MYO5C: variants seen among roughly 807,000 people sequenced by gnomAD.
MYO5C encodes the protein unconventional myosin-Vc.
Under a neutral mutation model 235.7 loss-of-function variants are expected in MYO5C, and 194 were observed. The ratio of observed to expected loss-of-function variants is 0.82; its 90% CI spans 0.73 to 0.93. The LOEUF (loss-of-function observed/expected upper bound fraction) is 0.93. Among genes scored for constraint, MYO5C ranks in the 40% least tolerant of loss-of-function variants. The probability of loss-of-function intolerance (pLI) is 0.00; values close to 1 mark genes in which losing one functional copy is unlikely to be tolerated. For synonymous variants in MYO5C, 707 were observed against 754.8 expected, an observed-to-expected ratio of 0.94 and a Z score of 1.04; for missense variants, 2,038 against 2,127.2, an observed-to-expected ratio of 0.96 and a Z score of 0.82.
At chr15:52,213,853 A>G (rs1449359958) in intron 33 of MYO5C, among the ~76,000 whole-genome samples, 1 of 152,258 alleles carries the variant, frequency 6.6e-6, no homozygotes, top group Non-Finnish European at 1.5e-5. Context: ...TGGGAAGCAC[A>G]GACCTGGGCC....
chr15:52,288,597 A>G (rs2037324459), intron 1 of MYO5C, among the ~76,000 whole-genome samples: 1 of 152,098 alleles, frequency 6.6e-6, no homozygotes. Flanking sequence ...CTCCTCCCTC[A>G]CATTCCTCTA....
intron 25 of MYO5C, among the ~76,000 whole-genome samples, chr15:52,228,147 A>AT (rs770508125): frequency 1.7e-3 from 244 of 145,618 alleles, no homozygotes; most frequent in Middle Eastern, 7.2e-3. Context: ...ACAGGTAACA[A>AT]TTTTTTTTTT....
At chr15:52,286,973 A>AAACT (rs1411537612) in intron 1 of MYO5C, among the ~76,000 whole-genome samples, 2 of 105,688 alleles carry the variant, frequency 1.9e-5, no homozygotes. Flanking sequence ...AAAAAAAGAA[A>AAACT]AACTAACAAA....
intron 7 of MYO5C, 88 bp downstream of exon 7, chr15:52,271,675 A>G: frequency 4.1e-6 from 3 of 738,326 alleles, no homozygotes; most frequent in Non-Finnish European, 4.1e-6. Context: ...AATACTTAAA[A>G]CAAATATATT....
In MYO5C at chr15:52,225,466, CAT is replaced by C. The variant is rs778610679; in HGVS notation, c.3272_3273del (p.His1091ArgfsTer24). Reference sequence around the variant, plus strand: ...CTCATTTCCCGTTTTTGTGACTGCACATGTTTCTCCACATCTATCTTCTGTGC... The same window carrying C: ...CTCATTTCCCGTTTTTGTGACTGCACGTTTCTCCACATCTATCTTCTGTGC... ...LQAQKIDVEK[H>X]VQSQKREMRE... On this transcript the variant is annotated frameshift_variant, in exon 26 of 41. Transcript: ENST00000261839. LOFTEE classifies it high-confidence loss of function. 1.9e-6 allele frequency: 3 copies of C among 1,613,704 alleles called. No homozygotes were observed. The highest frequency in any genetic ancestry group is 2.5e-6 in the Non-Finnish European group (3 of 1,179,810).
At chr15:52,240,212 T>A (rs2036181666) in intron 20 of MYO5C, among the ~76,000 whole-genome samples, 2 of 152,218 alleles carry the variant, frequency 1.3e-5, no homozygotes, top group African/African-American at 4.8e-5. Flanking sequence ...TCTTTTCTTT[T>A]TCTTTTTCTT....
intron 20 of MYO5C, among the ~76,000 whole-genome samples, chr15:52,240,557 G>A (rs368347095): frequency 0.046 from 3,894 of 85,234 alleles, 121 homozygotes; most frequent in Non-Finnish European, 0.079. Context: ...AGAAAAAGAA[G>A]AAAAAAGAAA....
intron 2 of MYO5C, among the ~76,000 whole-genome samples, chr15:52,280,932 C>T (rs1202771966): frequency 2.0e-5 from 3 of 152,174 alleles, no homozygotes; most frequent in African/African-American, 7.2e-5. Flanking sequence ...CTGCATAAAG[C>T]GAGCAGCTCA....
intron 25 of MYO5C, among the ~76,000 whole-genome samples, chr15:52,227,025 G>A (rs540073894): frequency 9.0e-4 from 136 of 151,874 alleles, no homozygotes; most frequent in African/African-American, 3.2e-3. Flanking sequence ...GGTGGCAGAT[G>A]CCTGTAATCC....
intron 25 of MYO5C, among the ~76,000 whole-genome samples, chr15:52,227,361 A>AT (rs367612324): frequency 0.17 from 23,811 of 137,426 alleles, 3,832 homozygotes; most frequent in East Asian, 0.6. Flanking sequence ...CGCCCGGCTA[A>AT]TTTTTTTTTT....
In MYO5C at chr15:52,280,131, G is replaced by A. The variant is rs138038899; in HGVS notation, c.139-457C>T. Among the ~76,000 whole-genome samples the A allele has an allele frequency of 1.8e-4, 27 of 152,310 alleles. 1 individual carries two copies. Among genetic ancestry groups the A allele is most frequent in the Admixed American group, 1.2e-3 (19 of 15,290 alleles). On this transcript the variant is annotated intron_variant, in intron 2 of 40. Coordinates refer to ENST00000261839, the MANE Select transcript of MYO5C (RefSeq NM_018728.4). ...CAGCTAAAATGACACAGTGACCTACGGTCTCTTTAACTCTAAGGTTGTTGA... is the reference window on the plus strand; with the variant it reads ...CAGCTAAAATGACACAGTGACCTACAGTCTCTTTAACTCTAAGGTTGTTGA...
At chr15:52,244,607 C>A (rs779239962) in intron 18 of MYO5C, 40 bp from the exon 19 acceptor site, 14 of 1,434,168 alleles carry the variant, frequency 9.8e-6, no homozygotes, top group Non-Finnish European at 1.4e-5. Context: ...TAAAATCTGT[C>A]AGATTTTCTA....
At chr15:52,232,518 C>T (rs1413680818) in intron 24 of MYO5C, 104 bp downstream of exon 24, 6 of 1,058,686 alleles carry the variant, frequency 5.7e-6, no homozygotes, top group Non-Finnish European at 8.8e-6. Flanking sequence ...AGTCACACCC[C>T]ACTTTCTTGT....
chr15:52,262,248 C>A (rs971569874), intron 9 of MYO5C, among the ~76,000 whole-genome samples: 2 of 152,148 alleles, frequency 1.3e-5, no homozygotes, highest in South Asian at 4.1e-4. Flanking sequence ...GGAGATGGAT[C>A]CCAAATCTAG....
chr15:52,251,697 C>T (rs193130183), intron 12 of MYO5C, among the ~76,000 whole-genome samples, 182 bp from the exon 13 acceptor site: 76 of 151,936 alleles, frequency 5.0e-4, no homozygotes, highest in African/African-American at 1.8e-3. Flanking sequence ...TGGAGTCTGG[C>T]TCTTCCACCC....
In MYO5C at chr15:52,278,713, C is replaced by T. The variant is rs3751625; in HGVS notation, c.449+160G>A. 2.1e-3 allele frequency among the ~76,000 whole-genome samples: 313 copies of T among 152,300 alleles called. 7 individuals carry two copies. The highest frequency in any genetic ancestry group is 0.013 in the East Asian group (67 of 5,182). The stretch of plus-strand genomic sequence containing the variant: ...TGACAGGTCAGGTACATGGAACAGT[C>T]GTTTGCTATTCATTCCAGGTAGTCG... On this transcript the variant is annotated intron_variant, in intron 4 of 40. Coordinates refer to ENST00000261839, the MANE Select transcript of MYO5C (RefSeq NM_018728.4).
intron 4 of MYO5C, among the ~76,000 whole-genome samples, chr15:52,276,186 C>T (rs904658243): frequency 2.0e-5 from 3 of 152,182 alleles, no homozygotes; most frequent in African/African-American, 7.2e-5. Flanking sequence ...GCCCCAAGAC[C>T]AACCTCAGGT....
chr15:52,245,515 G>T, intron 17 of MYO5C, 50 bp from the exon 18 acceptor site: 2 of 1,305,194 alleles, frequency 1.5e-6, no homozygotes, highest in Non-Finnish European at 2.2e-6. Flanking sequence ...GAAGCACATT[G>T]TGTCTGGGGA....
chr15:52,222,610 G>GACACACGACAGAATGGGGTGGTGGGC lies in MYO5C; in HGVS notation c.3627+908_3627+933dup, dbSNP rs1555413446. 2.8e-3 allele frequency among the ~76,000 whole-genome samples: 420 copies of GACACACGACAGAATGGGGTGGTGGGC among 149,892 alleles called. 5 individuals are homozygous for GACACACGACAGAATGGGGTGGTGGGC. Among genetic ancestry groups the GACACACGACAGAATGGGGTGGTGGGC allele is most frequent in the African/African-American group, 9.7e-3 (395 of 40,740 alleles). ...GCAGGCAGAGTCAGCCAGTGGTGGG[G>GACACACGACAGAATGGGGTGGTGGGC]ACACACGACAGAATGGGGTGGTGGG... On this transcript the variant is annotated intron_variant, in intron 29 of 40. Transcript: ENST00000261839.
Sources: gnomAD v4.1 joint callset for allele counts (sites outside exome capture counted in the v4.1 genomes callset) on GRCh38, gnomAD v4.1.1 for gene constraint, MANE v1.5 for transcripts, NCBI Gene and HGNC (gene_info 2026-07-23, HGNC 2026-07-21) for gene names.